The following PLEKHA7 variants were observed in gnomAD, a reference collection of about 807,000 sequenced individuals.
PLEKHA7 encodes the protein pleckstrin homology domain-containing family A member 7.
PLEKHA7 carries 104 observed loss-of-function variants against 170.0 expected under a neutral mutation model. The observed-to-expected ratio is 0.61, with a 90% CI of 0.52 to 0.72. The LOEUF is 0.72. Ranked by LOEUF, PLEKHA7 falls within the 30% of genes least tolerant of loss-of-function variation. PLEKHA7 has a pLI of 0.00. For missense variants in PLEKHA7, 1,615 were observed against 1,671.7 expected (o/e 0.97, Z 0.59); for synonymous variants, 648 against 660.8 (o/e 0.98, Z 0.30).
chr11:16,860,861 C>T (rs534806250), intron 4 of PLEKHA7, among the ~76,000 whole-genome samples: 245 of 152,340 alleles, frequency 1.6e-3, no homozygotes, highest in Middle Eastern at 6.8e-3. Context: ...TTACTGACTC[C>T]TCCACAAGTC....
intron 3 of PLEKHA7, among the ~76,000 whole-genome samples, chr11:16,985,048 T>G (rs1863644719): frequency 2.0e-5 from 3 of 152,194 alleles, no homozygotes; most frequent in Admixed American, 2.0e-4. Context: ...ATACCATAAG[T>G]GTCTTGGGTG....
intron 3 of PLEKHA7, among the ~76,000 whole-genome samples, chr11:16,914,344 C>T (rs1228515691): frequency 3.9e-5 from 6 of 152,188 alleles, no homozygotes; most frequent in African/African-American, 1.4e-4. Flanking sequence ...TCATCTGTGA[C>T]GTACCTCAGC....
chr11:16,971,810 ATC>A (rs938207225), intron 3 of PLEKHA7, among the ~76,000 whole-genome samples: 1 of 151,548 alleles, frequency 6.6e-6, no homozygotes, highest in African/African-American at 2.4e-5. Context: ...AAGGACTCTT[ATC>A]ATTTTCCTGG....
intron 18 of PLEKHA7, 35 bp from the exon 19 acceptor site, chr11:16,794,749 G>T: frequency 6.3e-7 from 1 of 1,598,166 alleles, no homozygotes; most frequent in Non-Finnish European, 8.6e-7. Context: ...GCACGGGATG[G>T]AACAAAGACC....
intron 3 of PLEKHA7, among the ~76,000 whole-genome samples, chr11:17,011,784 A>C (rs963763279): frequency 2.6e-5 from 4 of 151,992 alleles, no homozygotes; most frequent in African/African-American, 9.7e-5. Flanking sequence ...CTCTCTCCCC[A>C]CCAAGCTTCA....
intron 3 of PLEKHA7, among the ~76,000 whole-genome samples, chr11:16,952,054 C>T (rs1378119072): frequency 6.6e-6 from 1 of 152,230 alleles, no homozygotes; most frequent in Non-Finnish European, 1.5e-5. Flanking sequence ...CTGTGGGGCC[C>T]AGCCTGACCC....
Position 17,008,381 on chromosome 11 carries a change from G to A in PLEKHA7, c.221+5608C>T, listed in dbSNP as rs113161693. Among the ~76,000 whole-genome samples the A allele has an allele frequency of 6.1e-3, 933 of 152,284 alleles. 8 individuals carry two copies. Among genetic ancestry groups the A allele is most frequent in the African/African-American group, 0.022 (902 of 41,566 alleles). Reference sequence around the variant, plus strand: ...AGCAATAAGGATATGAAATGAAGACGCAGAGGAGGCCGTTTGAGCCTCCAC... The same window carrying A: ...AGCAATAAGGATATGAAATGAAGACACAGAGGAGGCCGTTTGAGCCTCCAC... On this transcript the variant is annotated intron_variant, in intron 3 of 26. Coordinates refer to ENST00000531066, the MANE Select transcript of PLEKHA7 (RefSeq NM_001329630.2).
intron 3 of PLEKHA7, among the ~76,000 whole-genome samples, chr11:16,971,539 T>C (rs1862712176): frequency 6.6e-6 from 1 of 152,206 alleles, no homozygotes; most frequent in Admixed American, 6.5e-5. Flanking sequence ...CGCTCAATAA[T>C]GGAAGCTGTT....
chr11:16,838,029 T>C (rs982156466), intron 9 of PLEKHA7, among the ~76,000 whole-genome samples: 1 of 152,168 alleles, frequency 6.6e-6, no homozygotes, highest in Non-Finnish European at 1.5e-5. Flanking sequence ...AACAGCATTC[T>C]GATTTTCAAA....
intron 3 of PLEKHA7, among the ~76,000 whole-genome samples, chr11:16,968,651 C>T (rs766447073): frequency 5.9e-5 from 9 of 152,148 alleles, no homozygotes; most frequent in East Asian, 1.9e-4. Flanking sequence ...ATTTTTGCAG[C>T]GGAACAACAC....
chr11:16,806,636 C>T (rs1385799949), intron 13 of PLEKHA7, among the ~76,000 whole-genome samples: 1 of 152,222 alleles, frequency 6.6e-6, no homozygotes, highest in East Asian at 1.9e-4. Context: ...ACTTCTGCAT[C>T]AATCAAAGAG....
intron 13 of PLEKHA7, among the ~76,000 whole-genome samples, chr11:16,805,299 A>C (rs1848882017): frequency 6.6e-6 from 1 of 152,208 alleles, no homozygotes; most frequent in African/African-American, 2.4e-5. Context: ...AAAGAATGAG[A>C]TATTTTATAT....
chr11:16,800,888 A>G (rs2134379196), intron 17 of PLEKHA7, 86 bp downstream of exon 17: 1 of 1,159,728 alleles, frequency 8.6e-7, no homozygotes, highest in Non-Finnish European at 1.3e-6. Flanking sequence ...AGTGCTCACA[A>G]CCCCCACAGG....
At chr11:16,796,595 G>T (rs77564160) in intron 17 of PLEKHA7, among the ~76,000 whole-genome samples, 2 of 152,256 alleles carry the variant, frequency 1.3e-5, no homozygotes, top group East Asian at 3.9e-4. Context: ...TGCGGTGACG[G>T]CTGTATCATG....
At chr11:16,929,339 AAC>A (rs561839648) in intron 3 of PLEKHA7, among the ~76,000 whole-genome samples, 128 of 152,366 alleles carry the variant, frequency 8.4e-4, no homozygotes, top group African/African-American at 3.0e-3. Context: ...TAAAGGTTCC[AAC>A]ATGAAGCAGC....
intron 3 of PLEKHA7, among the ~76,000 whole-genome samples, chr11:17,009,825 C>T (rs1865217789): frequency 6.6e-6 from 1 of 152,122 alleles, no homozygotes; most frequent in African/African-American, 2.4e-5. Context: ...GATGAGGCCT[C>T]TCCGTGTTGC....
intron 3 of PLEKHA7, among the ~76,000 whole-genome samples, chr11:17,002,631 CAACA>C (rs912977291): frequency 2.0e-5 from 3 of 152,136 alleles, no homozygotes; most frequent in African/African-American, 7.2e-5. Context: ...TCTGCCTCTA[CAACA>C]AATGCATTTT....
intron 26 of PLEKHA7, 43 bp downstream of exon 26, chr11:16,782,711 G>C (rs1191258322): frequency 6.5e-7 from 1 of 1,532,154 alleles, no homozygotes; most frequent in South Asian, 1.2e-5. Context: ...CACAGGTGCA[G>C]TGGGGCAGGA....
At chr11:16,956,336 A>G (rs2136553317) in intron 3 of PLEKHA7, among the ~76,000 whole-genome samples, 1 of 152,244 alleles carries the variant, frequency 6.6e-6, no homozygotes, top group South Asian at 2.1e-4. Context: ...CGTGTTGAAT[A>G]CTCATTCTGT....
Sources: gnomAD v4.1 joint callset for allele counts (sites outside exome capture counted in the v4.1 genomes callset) on GRCh38, gnomAD v4.1.1 for gene constraint, MANE v1.5 for transcripts, NCBI Gene and HGNC (gene_info 2026-07-23, HGNC 2026-07-21) for gene names.